The following GRSF1 variants were observed in gnomAD, a reference collection of about 807,000 sequenced individuals.
GRSF1 encodes G-rich RNA sequence binding factor 1.
A neutral mutation model predicts 51.1 loss-of-function variants in GRSF1; 50 were observed. The ratio of observed to expected loss-of-function variants is 0.98; its 90% confidence interval spans 0.78 to 1.24. The LOEUF is 1.24. Among genes scored for constraint, GRSF1 ranks in the 50% most tolerant of loss-of-function variants. The probability of loss-of-function intolerance (pLI) is 0.00; values close to 1 mark genes in which losing one functional copy is unlikely to be tolerated. For synonymous variants in GRSF1, 293 were observed against 253.3 expected (o/e 1.16, Z -1.49); for missense variants, 700 against 639.7 (o/e 1.09, Z -1.02).
intron 1 of GRSF1, 196 bp downstream of exon 1, chr4:70,839,275 G>T: frequency 6.7e-7 from 1 of 1,492,298 alleles, no homozygotes; most frequent in Non-Finnish European, 8.9e-7. Flanking sequence ...ACAAGCAGAA[G>T]ACCCGACGCC....
At chr4:70,831,407 G>A (rs1733960856) in intron 5 of GRSF1, 132 bp downstream of exon 5, 4 of 686,440 alleles carry the variant, frequency 5.8e-6, no homozygotes, top group Non-Finnish European at 9.2e-6. Flanking sequence ...TAAATTATGG[G>A]CATTTGATGG....
intron 2 of GRSF1, among the ~76,000 whole-genome samples, chr4:70,833,817 C>G (rs1274260420): frequency 6.6e-6 from 1 of 152,094 alleles, no homozygotes; most frequent in African/African-American, 2.4e-5. Context: ...CCACACCCAG[C>G]CTTTTTCCCC....
intron 1 of GRSF1, among the ~76,000 whole-genome samples, chr4:70,837,521 G>C (rs1395886705): frequency 2.9e-5 from 4 of 136,136 alleles, no homozygotes; most frequent in African/African-American, 1.1e-4. Context: ...CTGAGATCTC[G>C]GCATTTCACT....
At chr4:70,821,962 C>T (rs115384509) in intron 9 of GRSF1, among the ~76,000 whole-genome samples, 154 of 152,158 alleles carry the variant, frequency 1.0e-3, no homozygotes, top group African/African-American at 3.7e-3. Context: ...TGGAGTAACC[C>T]ACCATGCCTG....
chr4:70,825,407 T>C lies in GRSF1; in HGVS notation c.1282A>G (p.Arg428Gly). 1 of 1,611,628 alleles carries C rather than the reference T, an allele frequency of 6.2e-7. No individual in the cohort carries two copies. Among genetic ancestry groups the C allele is most frequent in the Non-Finnish European group, 8.5e-7 (1 of 1,178,532 alleles). The change falls in exon 8 of 10, where the codon AGA becomes GGA. Residue 428 changes from arginine to glycine, a missense_variant. Arg to Gly is a moderately radical substitution (Grantham distance 125, BLOSUM62 -2). Transcript: ENST00000254799. The part of the protein sequence containing the change: ...INFFAPLKPV[R>G]ITMEYSSSGK... ...CTGGAGCTGTATTCCATGGTGATTC[T>C]AACAGGCTTGAGTGGAGCAAAAAAC...
At chr4:70,838,826 C>T (rs1245847997) in intron 1 of GRSF1, 2 of 207,386 alleles carry the variant, frequency 9.6e-6, no homozygotes, top group African/African-American at 4.8e-5. Flanking sequence ...GCTAAATCTC[C>T]AAACTGCTTT....
At chr4:70,825,815 C>A in intron 7 of GRSF1, 1 of 299,052 alleles carries the variant, frequency 3.3e-6, no homozygotes, top group South Asian at 3.7e-5. Context: ...GCCTGTAATC[C>A]CAGCTACTCG....
At chr4:70,826,045 C>G in intron 7 of GRSF1, 79 bp downstream of exon 7, 1 of 1,233,026 alleles carries the variant, frequency 8.1e-7, no homozygotes, top group Non-Finnish European at 1.2e-6. Context: ...TTCTTCTCTA[C>G]CTTCCCCAAA....
chr4:70,833,202 C>A lies in GRSF1; in HGVS notation c.586G>T (p.Ala196Ser), dbSNP rs768795995. 4 of 1,613,778 alleles carry A rather than the reference C, an allele frequency of 2.5e-6. No homozygotes were observed. Among genetic ancestry groups the A allele is most frequent in the Non-Finnish European group, 2.5e-6 (3 of 1,179,684 alleles). ...LNRDGKRRGD[A>S]LIEMESEQDV... Reference sequence around the variant, plus strand: ...TGCTCTGACTCCATTTCAATTAAGGCATCACCCCTTCGTTTCCCATCTCTG... The same window carrying A: ...TGCTCTGACTCCATTTCAATTAAGGAATCACCCCTTCGTTTCCCATCTCTG... Residue 196 changes from alanine (A) to serine (S), a missense_variant, in exon 3 of 10, where the codon GCC becomes TCC. Physicochemically the swap from Ala to Ser is moderately conservative, Grantham distance 99 (BLOSUM62 1). Coordinates refer to ENST00000254799, the MANE Select transcript of GRSF1 (RefSeq NM_002092.4).
Position 70,831,577 on chromosome 4 carries a change from G to A in GRSF1, c.912C>T (p.Asn304=), listed in dbSNP as rs901539570. ...YVQFEEPEMA[N]QALLKHREEI... ...CTTCCCTGTGTTTCAACAGGGCTTG[G>A]TTGGCCATTTCTGGTTCTTCAAATT... The change falls in exon 5 of 10, where the codon AAC becomes AAT. Residue 304 remains asparagine (N), a synonymous_variant. Coordinates refer to ENST00000254799, the MANE Select transcript of GRSF1 (RefSeq NM_002092.4). 3.1e-6 allele frequency: 5 copies of A among 1,613,544 alleles called. No individual in the cohort carries two copies.
chr4:70,843,151 C>G (rs1047263810), upstream of GRSF1, among the ~76,000 whole-genome samples: 1 of 152,132 alleles, frequency 6.6e-6, no homozygotes, highest in Non-Finnish European at 1.5e-5. Flanking sequence ...AAAGACCAAA[C>G]CAAAATGCAG....
At chr4:70,824,914 C>T (rs1259789612) in intron 8 of GRSF1, among the ~76,000 whole-genome samples, 1 of 152,138 alleles carries the variant, frequency 6.6e-6, no homozygotes, top group East Asian at 1.9e-4. Context: ...ACCAGCCTGG[C>T]CAACATGGCG....
intron 1 of GRSF1, 53 bp from the exon 2 acceptor site, chr4:70,836,367 T>G: frequency 3.1e-6 from 4 of 1,298,654 alleles, no homozygotes; most frequent in Non-Finnish European, 4.2e-6. Flanking sequence ...AGGTAAAAAA[T>G]GTAAAAAAAT....
intron 1 of GRSF1, among the ~76,000 whole-genome samples, chr4:70,838,219 C>CAAAAAAAA (rs35303311): frequency 4.2e-5 from 4 of 94,622 alleles, no homozygotes; most frequent in African/African-American, 1.6e-4. Context: ...ACTCGGTCTC[C>CAAAAAAAA]AAAAAAAAAA....
chr4:70,834,925 G>A (rs988567752), intron 2 of GRSF1, among the ~76,000 whole-genome samples: 4 of 151,860 alleles, frequency 2.6e-5, no homozygotes, highest in Admixed American at 1.3e-4. Flanking sequence ...ACTTGGACCC[G>A]ATAGGTATTT....
In GRSF1 at chr4:70,818,477, A is replaced by G. The variant is rs1733390863; in HGVS notation, c.*2410T>C. On this transcript the variant is annotated 3_prime_UTR_variant, in exon 10 of 10. Transcript: ENST00000254799. ...CCCTTCAAGTAACACAGAAGTAGTG[A>G]GAATTTGGAGCCTTCCTCCCAGGGA... The G allele has an allele frequency of 6.6e-6, 1 of 152,154 alleles. No individual in the cohort carries two copies. Among genetic ancestry groups the G allele is most frequent in the African/African-American group, 2.4e-5 (1 of 41,426 alleles). 9.4% of individuals were successfully genotyped at this position (152,154 alleles called of 1,614,324 possible). A position where few individuals can be genotyped will look rare whatever the true frequency, so the allele number is the denominator to read the frequency against.
chr4:70,839,437 A>G (rs1373849105), intron 1 of GRSF1, 34 bp downstream of exon 1: 4 of 1,482,284 alleles, frequency 2.7e-6, no homozygotes, highest in African/African-American at 1.4e-5. Context: ...CCCGGGAGGG[A>G]TCTCGCGCCA....
In GRSF1 at chr4:70,827,945, T is replaced by C; in HGVS notation, c.1042A>G (p.Lys348Glu). ...GKKIASFPTA[K>E]YITEPEMVFE... The stretch of plus-strand genomic sequence containing the variant: ...ACCATTTCTGGCTCAGTTATATACT[T>C]AGCAGTAGGAAAAGATGCGATTTTC... Residue 348 changes from lysine to glutamate, a missense_variant, in exon 6 of 10, where the codon AAG (lysine) becomes GAG (glutamate). Lys to Glu is a moderately conservative substitution (Grantham distance 56). Transcript: ENST00000254799. 6.2e-7 allele frequency: 1 copy of C among 1,608,010 alleles called. No homozygotes were observed. Among genetic ancestry groups the C allele is most frequent in the African/African-American group, 1.3e-5 (1 of 74,976 alleles).
intron 1 of GRSF1, among the ~76,000 whole-genome samples, chr4:70,838,140 A>AC (rs1295535025): frequency 7.0e-6 from 1 of 142,578 alleles, no homozygotes. Flanking sequence ...AATGGCGTGA[A>AC]CCCGGAAGGC....
Sources: allele counts gnomAD v4.1 joint callset (sites outside exome capture counted in the v4.1 genomes callset), GRCh38; gene constraint gnomAD v4.1.1; transcripts MANE v1.5; gene names NCBI Gene and HGNC (gene_info 2026-07-23, HGNC 2026-07-21).